ZNF618: variants seen among roughly 807,000 people sequenced by gnomAD.
ZNF618 encodes neural precursor cell expressed, developmentally down-regulated 10.
A neutral mutation model predicts 103.0 loss-of-function variants in ZNF618; 34 were observed. The ratio of observed to expected loss-of-function variants is 0.33; its 90% CI spans 0.25 to 0.44. The LOEUF is 0.44. Among genes scored for constraint, ZNF618 ranks in the 20% least tolerant of loss-of-function variants. The probability of loss-of-function intolerance (pLI) is 1.00; values close to 1 mark genes in which losing one functional copy is unlikely to be tolerated. For synonymous variants in ZNF618, 551 were observed against 542.2 expected (o/e 1.02, Z -0.23); for missense variants, 1,059 against 1,295.4 (o/e 0.82, Z 2.80).
intron 1 of ZNF618, among the ~76,000 whole-genome samples, chr9:113,918,190 C>T (rs373326601): frequency 4.6e-5 from 7 of 152,262 alleles, no homozygotes; most frequent in South Asian, 4.2e-4. Context: ...TATGCATTTC[C>T]GGCAAGAATA....
At chr9:114,027,678 G>A (rs1028965841) in intron 10 of ZNF618, among the ~76,000 whole-genome samples, 1 of 152,200 alleles carries the variant, frequency 6.6e-6, no homozygotes, top group African/African-American at 2.4e-5. Context: ...TGCCCAGGAC[G>A]GACGCTGTCT....
intron 1 of ZNF618, among the ~76,000 whole-genome samples, chr9:113,965,813 A>C (rs1454384117): frequency 1.3e-5 from 2 of 152,206 alleles, no homozygotes; most frequent in South Asian, 2.1e-4. Context: ...CAGCAGCTGC[A>C]GTGGGAGTTT....
At chr9:114,043,264 GCTGTAAGGTAATT>G in intron 13 of ZNF618, among the ~76,000 whole-genome samples, 1 of 152,318 alleles carries the variant, frequency 6.6e-6, no homozygotes, top group Non-Finnish European at 1.5e-5. Flanking sequence ...GAGATTCTGA[GCTGTAAGGTAATT>G]CTGTTTAATC....
Position 114,049,571 on chromosome 9 carries a change from C to G in ZNF618, c.2269C>G (p.Leu757Val). The G allele has an allele frequency of 6.2e-7, 1 of 1,613,852 alleles. No individual in the cohort carries two copies. The highest frequency in any genetic ancestry group is 8.5e-7 in the Non-Finnish European group (1 of 1,179,902). Residue 757 changes from leucine (L) to valine (V), a missense_variant, in exon 15 of 15, where the codon CTG becomes GTG. Coordinates refer to ENST00000374126, the MANE Select transcript of ZNF618 (RefSeq NM_001318042.2). ...GCTGAGCAACGAGAGCCAGCCCACCCTGCAGCTGGTGCTGCCCACCTACGT... is the reference window on the plus strand; with the variant it reads ...GCTGAGCAACGAGAGCCAGCCCACCGTGCAGCTGGTGCTGCCCACCTACGT... ...IELSNESQPT[L>V]QLVLPTYVRL... is the part of the protein sequence containing the mutation.
At chr9:113,929,000 C>A (rs929343233) in intron 1 of ZNF618, among the ~76,000 whole-genome samples, 7 of 152,140 alleles carry the variant, frequency 4.6e-5, no homozygotes, top group Non-Finnish European at 8.8e-5. Context: ...CAGGCCTTTG[C>A]TCTGGAGAAC....
chr9:114,030,241 A>G (rs1342722181), intron 11 of ZNF618, among the ~76,000 whole-genome samples: 1 of 152,142 alleles, frequency 6.6e-6, no homozygotes, highest in African/African-American at 2.4e-5. Flanking sequence ...TCCCAAAAGG[A>G]GAGTAGTCAG....
Position 114,028,804 on chromosome 9 carries a change from C to A in ZNF618, c.916C>A (p.Pro306Thr), listed in dbSNP as rs759571727. The A allele has an allele frequency of 4.0e-4, 613 of 1,550,596 alleles. No individual in the cohort carries two copies. The Middle Eastern group carries it at 0.011, about 27-fold the overall frequency. ...GSECSHPEVS[P>T]SPRFVAAKTQ... ...TGAGTGTTCACATCCAGAGGTCTCC[C>A]CATCTCCACGCTTCGTGGCAGCGAA... is the stretch of plus-strand genomic sequence containing the variant. The change falls in exon 11 of 15, where the codon CCA (proline) becomes ACA (threonine). Residue 306 changes from proline (P) to threonine (T), a missense_variant. Physicochemically the swap from Pro to Thr is conservative, Grantham distance 38 (BLOSUM62 -1). This residue lies in a region of ZNF618 where 434 missense variants were observed against 476.0 expected (regional missense o/e 0.91). Transcript: ENST00000374126.
intron 3 of ZNF618, among the ~76,000 whole-genome samples, chr9:113,991,313 G>A (rs1038611621): frequency 3.9e-5 from 6 of 152,200 alleles, no homozygotes; most frequent in South Asian, 2.1e-4. Flanking sequence ...CCTCATGGGC[G>A]TGGCCATCCA....
At chr9:113,925,595 C>G (rs1427582440) in intron 1 of ZNF618, among the ~76,000 whole-genome samples, 1 of 151,728 alleles carries the variant, frequency 6.6e-6, no homozygotes, top group Non-Finnish European at 1.5e-5. Context: ...CTTCTTTTGT[C>G]TTCCATTCTT....
intron 1 of ZNF618, 121 bp downstream of exon 1, chr9:113,876,534 C>A: frequency 2.4e-6 from 2 of 838,658 alleles, no homozygotes; most frequent in Non-Finnish European, 3.0e-6. Context: ...CGTTTGCGGG[C>A]TTTTTGTGGG....
At chr9:113,992,935 A>G (rs570023346) in intron 3 of ZNF618, among the ~76,000 whole-genome samples, 27 of 152,256 alleles carry the variant, frequency 1.8e-4, no homozygotes, top group Admixed American at 1.1e-3. Context: ...GGTGTCTCTC[A>G]CTCCGAGAAA....
At chr9:113,905,948 CCT>C (rs907575015) in intron 1 of ZNF618, among the ~76,000 whole-genome samples, 2 of 152,092 alleles carry the variant, frequency 1.3e-5, no homozygotes, top group African/African-American at 4.8e-5. Context: ...TGTTTGCTTC[CCT>C]CTCTTAGGGT....
chr9:113,932,963 T>C (rs1198302844), intron 1 of ZNF618, among the ~76,000 whole-genome samples: 3 of 152,118 alleles, frequency 2.0e-5, no homozygotes, highest in African/African-American at 7.2e-5. Context: ...ACCTAGGGAA[T>C]AAGCCTCAGA....
intron 7 of ZNF618, among the ~76,000 whole-genome samples, chr9:114,007,767 T>C (rs1481616395): frequency 6.6e-6 from 1 of 152,216 alleles, no homozygotes; most frequent in Non-Finnish European, 1.5e-5. Flanking sequence ...AAACCGGTTT[T>C]AAAAAACGAA....
chr9:114,028,812 A>G lies in ZNF618; in HGVS notation c.924A>G (p.Pro308=). 1 of 1,550,368 alleles carries G rather than the reference A, an allele frequency of 6.5e-7. No individual in the cohort carries two copies. The highest frequency in any genetic ancestry group is 8.7e-7 in the Non-Finnish European group (1 of 1,146,918). Reference sequence around the variant, plus strand: ...CACATCCAGAGGTCTCCCCATCTCCACGCTTCGTGGCAGCGAAGACCCAGA... The same window carrying G: ...CACATCCAGAGGTCTCCCCATCTCCGCGCTTCGTGGCAGCGAAGACCCAGA... ...ECSHPEVSPS[P]RFVAAKTQTN... Residue 308 remains proline, a synonymous_variant, in exon 11 of 15, where the codon CCA becomes CCG. Transcript: ENST00000374126.
intron 2 of ZNF618, among the ~76,000 whole-genome samples, chr9:113,977,424 G>A (rs1327555270): frequency 6.6e-6 from 1 of 152,198 alleles, no homozygotes; most frequent in East Asian, 1.9e-4. Flanking sequence ...TAGACGTCCA[G>A]TGTGAGGGCT....
At chr9:113,936,282 T>C (rs1231024429) in intron 1 of ZNF618, among the ~76,000 whole-genome samples, 1 of 152,204 alleles carries the variant, frequency 6.6e-6, no homozygotes, top group Non-Finnish European at 1.5e-5. Flanking sequence ...TCTGAGCCTG[T>C]TACCTCAGTT....
intron 2 of ZNF618, among the ~76,000 whole-genome samples, chr9:113,977,110 G>A (rs1440854210): frequency 1.3e-5 from 2 of 152,164 alleles, no homozygotes; most frequent in Admixed American, 6.5e-5. Flanking sequence ...TGGTTGTCAC[G>A]CCCCTAGTGC....
intron 13 of ZNF618, among the ~76,000 whole-genome samples, chr9:114,040,460 G>A (rs2134444175): frequency 6.6e-6 from 1 of 151,964 alleles, no homozygotes; most frequent in Admixed American, 6.6e-5. Context: ...TTTACATTAG[G>A]TATATCTCCT....
Sources: allele counts gnomAD v4.1 joint callset (sites outside exome capture counted in the v4.1 genomes callset), GRCh38; gene constraint gnomAD v4.1.1; regional missense constraint gnomAD v4.1.1; transcripts MANE v1.5; gene names NCBI Gene and HGNC (gene_info 2026-07-23, HGNC 2026-07-21).